FCER1A: variants seen among roughly 807,000 people sequenced by gnomAD.
FCER1A encodes the protein Fc epsilon receptor Ia.
In FCER1A, 24 loss-of-function variants were observed where a neutral mutation model predicts 23.6. The ratio of observed to expected loss-of-function variants is 1.02; its 90% CI spans 0.74 to 1.43. The LOEUF is 1.43. Among genes scored for constraint, FCER1A ranks in the 40% most tolerant of loss-of-function variants. FCER1A has a pLI of 0.00. For synonymous variants in FCER1A, 121 were observed against 108.8 expected (o/e 1.11, Z -0.70); for missense variants, 318 against 294.5 (o/e 1.08, Z -0.58).
chr1:159,301,999 A>T (rs1652443389), upstream of FCER1A, among the ~76,000 whole-genome samples: 1 of 152,172 alleles, frequency 6.6e-6, no homozygotes. Flanking sequence ...TTCAGTAATT[A>T]GTTGCTGCTG....
chr1:159,304,028 C>T lies in FCER1A; in HGVS notation c.177C>T (p.Val59=), dbSNP rs757006141. ...LTCNGNNFFE[V]SSTKWFHNGS... is the part of the protein sequence containing the mutation. Reference sequence around the variant, plus strand: ...GTAATGGGAACAATTTCTTTGAAGTCAGTTCCACCAAATGGTTCCACAATG... The same window carrying T: ...GTAATGGGAACAATTTCTTTGAAGTTAGTTCCACCAAATGGTTCCACAATG... Residue 59 remains valine, a synonymous_variant, in exon 3 of 5, where the codon GTC becomes GTT. Coordinates refer to ENST00000693622, the MANE Select transcript of FCER1A (RefSeq NM_001387280.1). 1 of 1,613,922 alleles carries T rather than the reference C, an allele frequency of 6.2e-7. No homozygotes were observed. The highest frequency in any genetic ancestry group is 1.7e-5 in the Admixed American group (1 of 60,034).
At chr1:159,299,120 G>C (rs1207241737), upstream of FCER1A, among the ~76,000 whole-genome samples, 2 of 152,188 alleles carry the variant, frequency 1.3e-5, no homozygotes, top group African/African-American at 4.8e-5. Flanking sequence ...TAACTACATA[G>C]AGTTGGTAGT....
At chr1:159,297,215 A>T (rs903412711) in intron 1 of FCER1A, among the ~76,000 whole-genome samples, 1 of 152,100 alleles carries the variant, frequency 6.6e-6, no homozygotes, top group East Asian at 1.9e-4. Context: ...CAAACTTCCT[A>T]ACGCCACTTC....
At chr1:159,287,069 A>G (rs1428147374), upstream of FCER1A, among the ~76,000 whole-genome samples, 1 of 152,170 alleles carries the variant, frequency 6.6e-6, no homozygotes, top group Non-Finnish European at 1.5e-5. Context: ...GCATTTTTTC[A>G]TTTCCCTCCA....
intron 3 of FCER1A, among the ~76,000 whole-genome samples, chr1:159,304,384 G>A (rs934897599): frequency 6.6e-6 from 1 of 152,064 alleles, no homozygotes; most frequent in African/African-American, 2.4e-5. Flanking sequence ...GGTGGATCAC[G>A]AGGTCAGGAG....
intron 2 of FCER1A, among the ~76,000 whole-genome samples, chr1:159,303,644 G>A (rs1382988595): frequency 3.9e-5 from 6 of 152,210 alleles, no homozygotes; most frequent in Non-Finnish European, 7.3e-5. Flanking sequence ...GAAATTAACA[G>A]AAGTAGAGTG....
At chr1:159,291,608 T>C (rs1652155195) in intron 1 of FCER1A, among the ~76,000 whole-genome samples, 1 of 152,214 alleles carries the variant, frequency 6.6e-6, no homozygotes, top group Non-Finnish European at 1.5e-5. Flanking sequence ...CTTAACTTCT[T>C]CAATTATTTA....
At chr1:159,302,489 C>T (rs773800774) in intron 1 of FCER1A, 70 bp downstream of exon 1, 19 of 1,081,712 alleles carry the variant, frequency 1.8e-5, no homozygotes, top group Non-Finnish European at 2.7e-5. Context: ...GGGTAGGAAC[C>T]TTTACTGTGG....
chr1:159,293,877 A>T (rs1321444652), intron 1 of FCER1A, among the ~76,000 whole-genome samples: 3 of 152,026 alleles, frequency 2.0e-5, no homozygotes, highest in Non-Finnish European at 1.5e-5. Context: ...ACAAGAAAAA[A>T]AACAAACAAC....
At chr1:159,304,228 G>A (rs753526466) in intron 3 of FCER1A, 46 bp downstream of exon 3, 79 of 1,572,596 alleles carry the variant, frequency 5.0e-5, no homozygotes, top group Admixed American at 6.8e-5. Flanking sequence ...TGTGAGGGAT[G>A]GCTCATCTGA....
chr1:159,304,043 G>T lies in FCER1A; in HGVS notation c.192G>T (p.Trp64Cys). The change falls in exon 3 of 5, where the codon TGG becomes TGT. Residue 64 changes from tryptophan to cysteine, a missense_variant. Transcript: ENST00000693622. ...TCTTTGAAGTCAGTTCCACCAAATG[G>T]TTCCACAATGGCAGCCTTTCAGAAG... ...NNFFEVSSTKWFHNGSLSEET... is the reference protein window; with the variant it reads ...NNFFEVSSTKCFHNGSLSEET... 1 of 1,614,126 alleles carries T rather than the reference G, an allele frequency of 6.2e-7. No individual in the cohort carries two copies. The highest frequency in any genetic ancestry group is 1.1e-5 in the South Asian group (1 of 91,080).
upstream of FCER1A, among the ~76,000 whole-genome samples, chr1:159,289,516 TTAC>T (rs1394507761): frequency 1.3e-5 from 2 of 152,174 alleles, no homozygotes; most frequent in African/African-American, 4.8e-5. Flanking sequence ...ATTTTTGAAA[TTAC>T]TACTACTGCT....
chr1:159,292,175 T>C (rs757315100), intron 1 of FCER1A, among the ~76,000 whole-genome samples: 1 of 152,162 alleles, frequency 6.6e-6, no homozygotes, highest in Admixed American at 6.6e-5. Flanking sequence ...CTTTAAAGTA[T>C]GCCAGTGATT....
chr1:159,297,962 C>G (rs1006800664), upstream of FCER1A, among the ~76,000 whole-genome samples: 1 of 152,134 alleles, frequency 6.6e-6, no homozygotes, highest in South Asian at 2.1e-4. Flanking sequence ...ATATTGTTCT[C>G]CCCATTATGA....
upstream of FCER1A, among the ~76,000 whole-genome samples, chr1:159,285,061 G>A (rs1651982418): frequency 6.6e-6 from 1 of 152,078 alleles, no homozygotes; most frequent in South Asian, 2.1e-4. Context: ...CTTTGAAACT[G>A]CTAATTTTTG....
chr1:159,297,928 A>G (rs1368761012), upstream of FCER1A, among the ~76,000 whole-genome samples: 1 of 152,176 alleles, frequency 6.6e-6, no homozygotes, highest in African/African-American at 2.4e-5. Flanking sequence ...ACTTTCCTTA[A>G]GGATCTTCCT....
Position 159,293,933 on chromosome 1 carries a change from GAA to G in FCER1A, c.-60+4181_-60+4182del, listed in dbSNP as rs1652228998. 2.0e-5 allele frequency among the ~76,000 whole-genome samples: 3 copies of G among 151,734 alleles called. No homozygotes were observed. The South Asian group carries it at 6.2e-4, about 32-fold the overall frequency. ...GGACATGAACAGACACTTCTCAAAA[GAA>G]GACATTTATGCAGCCAAAAAACACA... On this transcript the variant is annotated intron_variant, in intron 1 of 5. Coordinates refer to the FCER1A transcript ENST00000368115.
upstream of FCER1A, among the ~76,000 whole-genome samples, chr1:159,298,718 G>C (rs1018236878): frequency 6.6e-6 from 1 of 152,144 alleles, no homozygotes; most frequent in Non-Finnish European, 1.5e-5. Flanking sequence ...TTCTTTTTAG[G>C]CATGTCCATG....
intron 1 of FCER1A, among the ~76,000 whole-genome samples, chr1:159,296,564 T>C (rs1481364901): frequency 6.6e-6 from 1 of 152,212 alleles, no homozygotes; most frequent in Non-Finnish European, 1.5e-5. Flanking sequence ...AAATACAGTA[T>C]GTATGAGAAA....
Sources: gnomAD v4.1 joint callset for allele counts (sites outside exome capture counted in the v4.1 genomes callset) on GRCh38, gnomAD v4.1.1 for gene constraint, MANE v1.5 for transcripts, NCBI Gene and HGNC (gene_info 2026-07-23, HGNC 2026-07-21) for gene names.